The following MYO3A variants were observed in gnomAD, a reference collection of about 807,000 sequenced individuals.
MYO3A encodes myosin IIIA.
Under a neutral mutation model 192.7 loss-of-function variants are expected in MYO3A, and 180 were observed. The observed-to-expected ratio is 0.93, with a 90% CI of 0.83 to 1.06. The LOEUF is 1.06. Ranked by LOEUF, MYO3A falls within the 50% of genes least tolerant of loss-of-function variation. The pLI is 0.00. For synonymous variants in MYO3A, 628 were observed against 645.3 expected, an observed-to-expected ratio of 0.97 and a Z score of 0.41; for missense variants, 1,896 against 1,905.0, an observed-to-expected ratio of 1.00 and a Z score of 0.09.
At chr10:26,194,055 A>C (rs16926655) in intron 32 of MYO3A, among the ~76,000 whole-genome samples, 8,052 of 152,170 alleles carry the variant, frequency 0.053, 670 homozygotes, top group African/African-American at 0.18. Flanking sequence ...GTGATCCATC[A>C]GTGGCTCTAA....
chr10:26,100,474 C>G (rs1433803627), intron 17 of MYO3A, among the ~76,000 whole-genome samples: 1 of 152,136 alleles, frequency 6.6e-6, no homozygotes, highest in Non-Finnish European at 1.5e-5. Flanking sequence ...TCTTGCTTCT[C>G]TAGTTCTTTT....
At chr10:25,992,720 G>A (rs935568699) in intron 4 of MYO3A, among the ~76,000 whole-genome samples, 12 of 152,142 alleles carry the variant, frequency 7.9e-5, no homozygotes, top group South Asian at 2.1e-4. Flanking sequence ...AGCATGAAGG[G>A]CTGTTGAATT....
At position 26,096,472 on chromosome 10, in the gene MYO3A, C is replaced by A; in HGVS notation, c.1654C>A (p.Pro552Thr). 6.2e-7 allele frequency: 1 copy of A among 1,612,700 alleles called. No individual in the cohort carries two copies. The highest frequency in any genetic ancestry group is 1.3e-5 in the African/African-American group (1 of 75,000). The stretch of plus-strand genomic sequence containing the variant: ...CCATTACAAACTGCCTGAAAATAAG[C>A]CTCCCAGGTAATCTACCAGGTTGAG... ...LAHYKLPENKPPRYLQNDHLR... is the reference protein window; with the variant it reads ...LAHYKLPENKTPRYLQNDHLR... Residue 552 changes from proline to threonine, a missense_variant, in exon 16 of 35, where the codon CCT becomes ACT. Physicochemically the swap from Pro to Thr is conservative, Grantham distance 38. Coordinates refer to ENST00000642920, the MANE Select transcript of MYO3A (RefSeq NM_017433.5).
intron 10 of MYO3A, among the ~76,000 whole-genome samples, chr10:26,039,851 T>A (rs1053902637): frequency 6.8e-6 from 1 of 146,850 alleles, no homozygotes; most frequent in African/African-American, 2.5e-5. Context: ...TCTTTTGTAT[T>A]GTTTTCTTCT....
At chr10:25,935,572 G>A (rs551493282) in intron 1 of MYO3A, among the ~76,000 whole-genome samples, 172 bp from the exon 2 acceptor site, 1 of 152,166 alleles carries the variant, frequency 6.6e-6, no homozygotes, top group East Asian at 1.9e-4. Context: ...TGAAATGAGG[G>A]GCTTTAAGTT....
intron 10 of MYO3A, among the ~76,000 whole-genome samples, chr10:26,057,903 C>G (rs970980954): frequency 1.3e-5 from 2 of 152,132 alleles, no homozygotes; most frequent in African/African-American, 2.4e-5. Context: ...CCCCTTCCCC[C>G]AGGTAGGCAC....
At chr10:26,104,648 G>T (rs1837678668) in intron 17 of MYO3A, among the ~76,000 whole-genome samples, 1 of 151,244 alleles carries the variant, frequency 6.6e-6, no homozygotes, top group African/African-American at 2.4e-5. Context: ...AATTTTTTTT[G>T]GCTTTTCAGG....
chr10:26,060,463 A>G (rs548721897), intron 10 of MYO3A, among the ~76,000 whole-genome samples: 81 of 152,078 alleles, frequency 5.3e-4, no homozygotes, highest in Admixed American at 3.1e-3. Flanking sequence ...GTGAGACTCC[A>G]TCTCAAACAA....
intron 4 of MYO3A, among the ~76,000 whole-genome samples, chr10:25,961,850 T>G (rs2130651433): frequency 6.6e-6 from 1 of 152,338 alleles, no homozygotes; most frequent in Middle Eastern, 3.4e-3. Context: ...TGACTGCTAA[T>G]TATACCTTTC....
intron 20 of MYO3A, among the ~76,000 whole-genome samples, chr10:26,132,040 T>A (rs1304216708): frequency 6.6e-6 from 1 of 152,212 alleles, no homozygotes; most frequent in East Asian, 1.9e-4. Flanking sequence ...ACTGTCAACT[T>A]CCATTTTCTG....
intron 31 of MYO3A, among the ~76,000 whole-genome samples, chr10:26,180,757 C>T (rs1842586487): frequency 6.6e-6 from 1 of 150,738 alleles, no homozygotes; most frequent in African/African-American, 2.4e-5. Flanking sequence ...AGCAACCAAA[C>T]CTGAAAGAGA....
intron 17 of MYO3A, among the ~76,000 whole-genome samples, chr10:26,110,392 G>A (rs1458802532): frequency 6.6e-6 from 1 of 152,100 alleles, no homozygotes; most frequent in African/African-American, 2.4e-5. Flanking sequence ...TTTCTCTGAG[G>A]GCTTTTGGAG....
chr10:26,167,921 G>C (rs1453781854), intron 27 of MYO3A, among the ~76,000 whole-genome samples: 1 of 152,162 alleles, frequency 6.6e-6, no homozygotes, highest in African/African-American at 2.4e-5. Context: ...TCTTTGAGAT[G>C]AGTTTTATTA....
intron 17 of MYO3A, among the ~76,000 whole-genome samples, chr10:26,109,927 A>G (rs1284028684): frequency 6.6e-6 from 1 of 152,168 alleles, no homozygotes; most frequent in African/African-American, 2.4e-5. Context: ...ATTATTAACA[A>G]TTCCTCTTGG....
chr10:25,985,129 T>C (rs1839566928), intron 4 of MYO3A, among the ~76,000 whole-genome samples: 1 of 151,460 alleles, frequency 6.6e-6, no homozygotes, highest in South Asian at 2.1e-4. Flanking sequence ...TCCCAGCTAC[T>C]TGGGAGGCTG....
In MYO3A at chr10:26,143,515, A is replaced by G. The variant is rs1472698354; in HGVS notation, c.2330A>G (p.Asp777Gly). The G allele has an allele frequency of 1.2e-6, 2 of 1,613,808 alleles. No homozygotes were observed. Among genetic ancestry groups the G allele is most frequent in the South Asian group, 1.1e-5 (1 of 91,066 alleles). ...TATGAGGATAACTGGCCCCTCTTAG[A>G]TATGTTTCTGCAAAAGCCAATGGGT... ...IEYEDNWPLL[D>G]MFLQKPMGLL... Residue 777 changes from aspartate (D) to glycine (G), a missense_variant, in exon 21 of 35, where the codon GAT becomes GGT. Transcript: ENST00000642920.
At chr10:26,141,480 G>A (rs949533780) in intron 20 of MYO3A, among the ~76,000 whole-genome samples, 3 of 151,920 alleles carry the variant, frequency 2.0e-5, no homozygotes, top group Admixed American at 6.6e-5. Context: ...TGTTTTCCAC[G>A]CCACTCATCT....
In MYO3A at chr10:26,021,639, A is replaced by G. The variant is rs751395943; in HGVS notation, c.722A>G (p.Lys241Arg). 1 of 1,614,110 alleles carries G rather than the reference A, an allele frequency of 6.2e-7. No individual in the cohort carries two copies. The highest frequency in any genetic ancestry group is 8.5e-7 in the Non-Finnish European group (1 of 1,179,960). The change falls in exon 8 of 35, where the codon AAA (lysine) becomes AGA (arginine). Residue 241 changes from lysine (K) to arginine (R), a missense_variant. Coordinates refer to ENST00000642920, the MANE Select transcript of MYO3A (RefSeq NM_017433.5). Reference sequence around the variant, plus strand: ...CTTCATCCCATGAGAGCACTCTTCAAAATACCAAGGTCAGATGACTAACAT... The same window carrying G: ...CTTCATCCCATGAGAGCACTCTTCAGAATACCAAGGTCAGATGACTAACAT... ...ADLHPMRALF[K>R]IPRNPPPKLR...
At chr10:26,172,127 A>G (rs1004339484) in intron 29 of MYO3A, among the ~76,000 whole-genome samples, 8 of 152,218 alleles carry the variant, frequency 5.3e-5, no homozygotes, top group African/African-American at 1.9e-4. Context: ...GCTTGTAGAG[A>G]GGAAAGTTAG....
Sources: allele counts gnomAD v4.1 joint callset (sites outside exome capture counted in the v4.1 genomes callset), GRCh38; gene constraint gnomAD v4.1.1; transcripts MANE v1.5; gene names NCBI Gene and HGNC (gene_info 2026-07-23, HGNC 2026-07-21).